RAB3IL1: variants seen among roughly 807,000 people sequenced by gnomAD.
The protein encoded by RAB3IL1 is guanine nucleotide exchange factor for Rab-3A.
RAB3IL1 carries 37 observed loss-of-function variants against 49.2 expected under a neutral mutation model. That is an observed-to-expected ratio of 0.75 (90% CI 0.58 to 0.99). The LOEUF (loss-of-function observed/expected upper bound fraction) is 0.99. Among genes scored for constraint, RAB3IL1 ranks in the 50% least tolerant of loss-of-function variants. The probability of loss-of-function intolerance (pLI) is 0.00; values close to 1 mark genes in which losing one functional copy is unlikely to be tolerated. For synonymous variants in RAB3IL1, 193 were observed against 213.9 expected, an observed-to-expected ratio of 0.90 and a Z score of 0.85; for missense variants, 484 against 513.0, an observed-to-expected ratio of 0.94 and a Z score of 0.55.
In RAB3IL1 at chr11:61,902,496, G is replaced by A. The variant is rs750341680; in HGVS notation, c.945C>T (p.Ile315=). Residue 315 remains isoleucine (I), a synonymous_variant, in exon 8 of 10, where the codon ATC becomes ATT. Transcript: ENST00000394836. ...SGLTRTCRHR[I]RLGDSKSHYY... ...AATGGCTTTTGGAGTCCCCGAGCCG[G>A]ATTCGGTGGCGGCAGGTGCGGGTCA... 1 of 1,604,944 alleles carries A rather than the reference G, an allele frequency of 6.2e-7. No homozygotes were observed. The highest frequency in any genetic ancestry group is 1.1e-5 in the South Asian group (1 of 88,414).
upstream of RAB3IL1, among the ~76,000 whole-genome samples, chr11:61,924,928 G>A (rs1157651535): frequency 6.6e-6 from 1 of 152,196 alleles, no homozygotes; most frequent in Non-Finnish European, 1.5e-5. Flanking sequence ...GGAATTATTA[G>A]AGAACAGAGA....
the RAB3IL1 span, among the ~76,000 whole-genome samples, chr11:61,927,580 G>C: frequency 6.6e-6 from 1 of 152,126 alleles, no homozygotes; most frequent in Admixed American, 6.5e-5. Context: ...AGATCTTGTG[G>C]GGCTTTGTAT....
chr11:61,917,281 C>A, intron 1 of RAB3IL1, 76 bp downstream of exon 1: 1 of 1,346,666 alleles, frequency 7.4e-7, no homozygotes. Flanking sequence ...CCGGCGGGGA[C>A]CCCCGAAATC....
the RAB3IL1 span, among the ~76,000 whole-genome samples, chr11:61,932,898 G>A: frequency 4.0e-5 from 6 of 151,548 alleles, no homozygotes; most frequent in Non-Finnish European, 8.8e-5. Context: ...AGCCTCCTGA[G>A]TATCTAGGAT....
At chr11:61,913,922 G>T (rs1939571165) in intron 1 of RAB3IL1, among the ~76,000 whole-genome samples, 1 of 152,170 alleles carries the variant, frequency 6.6e-6, no homozygotes, top group African/African-American at 2.4e-5. Flanking sequence ...GAGGATGTCT[G>T]CCCCCAACAC....
chr11:61,915,280 T>G (rs1034730010), intron 1 of RAB3IL1, among the ~76,000 whole-genome samples: 1 of 152,016 alleles, frequency 6.6e-6, no homozygotes, highest in Admixed American at 6.5e-5. Flanking sequence ...ATCCAGAGTG[T>G]TGCTGGGAAT....
At chr11:61,939,503 A>G in the RAB3IL1 span, among the ~76,000 whole-genome samples, 1 of 152,138 alleles carries the variant, frequency 6.6e-6, no homozygotes, top group Non-Finnish European at 1.5e-5. Context: ...AGCAAGCAAA[A>G]GAAAGAATAA....
chr11:61,925,559 C>T, the RAB3IL1 span, among the ~76,000 whole-genome samples: 4 of 151,428 alleles, frequency 2.6e-5, no homozygotes, highest in Non-Finnish European at 2.9e-5. Context: ...TGCTTGAACC[C>T]GGGAGGTGGA....
chr11:61,931,460 G>A, the RAB3IL1 span, among the ~76,000 whole-genome samples: 1 of 152,148 alleles, frequency 6.6e-6, no homozygotes, highest in African/African-American at 2.4e-5. Flanking sequence ...TATCCATCCA[G>A]CTCAAAGTCA....
chr11:61,907,428 C>T lies in RAB3IL1; in HGVS notation c.403G>A (p.Ala135Thr), dbSNP rs1024255284. ...MVREANMKQA[A>T]SEKQLKEARG... ...GCCTCCTTCAGCTGCTTTTCTGATG[C>T]CGCCTGCTTCATGTTGGCTTCTCGA... The change falls in exon 4 of 10, where the codon GCA becomes ACA. Residue 135 changes from alanine (A) to threonine (T), a missense_variant. By Grantham distance (58) the Ala-to-Thr change is moderately conservative. Coordinates refer to ENST00000394836, the MANE Select transcript of RAB3IL1 (RefSeq NM_013401.4). 3 of 1,614,054 alleles carry T rather than the reference C, an allele frequency of 1.9e-6. No homozygotes were observed. The highest frequency in any genetic ancestry group is 2.5e-6 in the Non-Finnish European group (3 of 1,180,044).
At chr11:61,936,689 A>G in the RAB3IL1 span, among the ~76,000 whole-genome samples, 2 of 152,248 alleles carry the variant, frequency 1.3e-5, no homozygotes, top group African/African-American at 2.4e-5. Context: ...CTCATCACAT[A>G]TAAGCTAATC....
intron 1 of RAB3IL1, among the ~76,000 whole-genome samples, chr11:61,910,171 C>T (rs1939396870): frequency 2.0e-5 from 3 of 152,310 alleles, no homozygotes; most frequent in South Asian, 2.1e-4. Context: ...GCCAGGTCTT[C>T]AAGCCCAGGC....
intron 4 of RAB3IL1, 46 bp downstream of exon 4, chr11:61,907,347 A>AG (rs763282999): frequency 2.6e-4 from 408 of 1,594,696 alleles, no homozygotes; most frequent in Admixed American, 5.5e-4. Flanking sequence ...GCCGGGAGGC[A>AG]GGGGGGGTGC....
chr11:61,903,265 C>T (rs910905440), intron 7 of RAB3IL1, among the ~76,000 whole-genome samples: 1 of 152,130 alleles, frequency 6.6e-6, no homozygotes, highest in African/African-American at 2.4e-5. Flanking sequence ...CCTGCATCCC[C>T]TTGGCTCCTT....
At chr11:61,907,958 C>T in intron 2 of RAB3IL1, 96 bp downstream of exon 2, 1 of 1,504,138 alleles carries the variant, frequency 6.6e-7, no homozygotes, top group South Asian at 1.3e-5. Context: ...CATCCCTCTC[C>T]CTTGGGCACA....
the RAB3IL1 span, among the ~76,000 whole-genome samples, chr11:61,946,018 G>A: frequency 6.6e-6 from 1 of 152,184 alleles, no homozygotes; most frequent in Non-Finnish European, 1.5e-5. Context: ...GTCCTTCAGG[G>A]ATCAGGGCTG....
chr11:61,908,793 G>A (rs550036259), intron 1 of RAB3IL1, among the ~76,000 whole-genome samples: 47 of 152,328 alleles, frequency 3.1e-4, no homozygotes, highest in African/African-American at 1.1e-3. Context: ...CCCCTTTCAG[G>A]GTGGACCAGA....
chr11:61,910,028 C>A (rs1939390548), intron 1 of RAB3IL1, among the ~76,000 whole-genome samples: 1 of 152,196 alleles, frequency 6.6e-6, no homozygotes, highest in Non-Finnish European at 1.5e-5. Context: ...TCAAAACAAA[C>A]AAACAAACAT....
At chr11:61,919,992 A>G, upstream of RAB3IL1, 1 of 1,195,720 alleles carries the variant, frequency 8.4e-7, no homozygotes, top group Non-Finnish European at 1.1e-6. Flanking sequence ...GCTGCCCTGA[A>G]GCTTGCCAAG....
Sources: allele counts gnomAD v4.1 joint callset (sites outside exome capture counted in the v4.1 genomes callset), GRCh38; gene constraint gnomAD v4.1.1; transcripts MANE v1.5; gene names NCBI Gene and HGNC (gene_info 2026-07-23, HGNC 2026-07-21).